SP110: variants seen among roughly 807,000 people sequenced by gnomAD.
SP110 encodes the protein interferon-induced protein 41, 30kD.
Under a neutral mutation model 92.7 loss-of-function variants are expected in SP110, and 62 were observed. The ratio of observed to expected loss-of-function variants is 0.67; its 90% CI spans 0.55 to 0.83. SP110 has a LOEUF of 0.83. Ranked by LOEUF, SP110 falls within the 40% of genes least tolerant of loss-of-function variation. SP110 has a pLI of 0.00. For synonymous variants in SP110, 273 were observed against 305.3 expected, an observed-to-expected ratio of 0.89 and a Z score of 1.10; for missense variants, 793 against 863.9, an observed-to-expected ratio of 0.92 and a Z score of 1.03.
At chr2:230,188,691 C>T (rs1466994561) in intron 10 of SP110, among the ~76,000 whole-genome samples, 1 of 152,070 alleles carries the variant, frequency 6.6e-6, no homozygotes, top group African/African-American at 2.4e-5. Context: ...GGATCTTTAT[C>T]TAAAGGGATG....
rs191119913 is a variant in SP110 at position 230,182,891 on chromosome 2, T to G, written c.1348+681A>C. ...GAGGAATCTTGCTATGAAAACAGTG[T>G]GCTTAGCGTCACAGTTGGTTTACAA... On this transcript the variant is annotated intron_variant, in intron 12 of 18. Coordinates refer to ENST00000258381, the MANE Select transcript of SP110 (RefSeq NM_080424.4). Among the ~76,000 whole-genome samples, 567 of 152,338 alleles carry G rather than the reference T, an allele frequency of 3.7e-3. 3 individuals are homozygous for G. Among genetic ancestry groups the G allele is most frequent in the African/African-American group, 0.013 (545 of 41,566 alleles).
chr2:230,219,778 T>C (rs762402062), intron 1 of SP110, 96 bp downstream of exon 1: 12 of 269,668 alleles, frequency 4.4e-5, no homozygotes, highest in Non-Finnish European at 6.3e-5. Flanking sequence ...AGAGTTTAAA[T>C]AGTTGAACTC....
rs940972374 is a variant in SP110, at chr2:230,172,752, C to T, written c.1706+92G>A. On this transcript the variant is annotated intron_variant, in intron 15 of 18. Transcript: ENST00000258381. ...GAGTCTCTGGCACCAGACTGCTCTG[C>T]GTCACACCCTCGTCCCCGACGCTCA... 1.5e-5 allele frequency: 12 copies of T among 826,424 alleles called. No individual in the cohort carries two copies. In the African/African-American group the frequency reaches 1.8e-4, roughly 13 times the overall value. The allele number at this position is 826,424 out of a possible 1,614,324, so 51.2% of individuals were successfully genotyped here. A position where few individuals can be genotyped will look rare whatever the true frequency, so the allele number is the denominator to read the frequency against.
intron 11 of SP110, 149 bp from the exon 12 acceptor site, chr2:230,183,789 CAT>C: frequency 1.5e-6 from 1 of 665,646 alleles, no homozygotes. Context: ...TTCCTTGTAG[CAT>C]TGACTAAGGA....
At position 230,212,742 on chromosome 2, in the gene SP110, G is replaced by C; in HGVS notation, c.583+19C>G. 1 of 1,613,740 alleles carries C rather than the reference G, an allele frequency of 6.2e-7. No individual in the cohort carries two copies. Among genetic ancestry groups the C allele is most frequent in the Non-Finnish European group, 8.5e-7 (1 of 1,179,948 alleles). ...TTAGGCTGAGGATATACAGGTGTTG[G>C]ATGGGATCTGTTTCTCACCTGAAGT... On this transcript the variant is annotated intron_variant, in intron 4 of 18. Transcript: ENST00000258381.
At chr2:230,174,853 G>A (rs1228841697) in intron 14 of SP110, among the ~76,000 whole-genome samples, 1 of 152,260 alleles carries the variant, frequency 6.6e-6, no homozygotes, top group African/African-American at 2.4e-5. Flanking sequence ...GGGGCTGAGG[G>A]CAAGGCCCGC....
chr2:230,221,801 C>T (rs749722130), upstream of SP110: 696 of 1,310,590 alleles, frequency 5.3e-4, no homozygotes, highest in Non-Finnish European at 4.9e-4. Flanking sequence ...AGAGATACAC[C>T]AGGCAAATGC....
At chr2:230,178,870 G>C (rs1228937513) in intron 12 of SP110, among the ~76,000 whole-genome samples, 2 of 152,208 alleles carry the variant, frequency 1.3e-5, no homozygotes, top group Non-Finnish European at 2.9e-5. Context: ...TTTAGATTCA[G>C]GGGAAGCAGT....
intron 10 of SP110, among the ~76,000 whole-genome samples, chr2:230,189,771 C>T (rs561696774): frequency 3.2e-4 from 49 of 152,290 alleles, no homozygotes; most frequent in Middle Eastern, 6.8e-3. Context: ...TCAACTCCCA[C>T]TTATGAGTGA....
At chr2:230,203,812 CT>C (rs2043452496) in intron 8 of SP110, 1 of 152,044 alleles carries the variant, frequency 6.6e-6, no homozygotes, top group South Asian at 2.1e-4. Flanking sequence ...TAATATGACT[CT>C]TAAAAATATC....
intron 14 of SP110, chr2:230,176,860 A>G (rs889145671): frequency 1.2e-6 from 1 of 868,800 alleles, no homozygotes; most frequent in Non-Finnish European, 1.9e-6. Flanking sequence ...TCAAAAAGAA[A>G]AATTAGCTCC....
chr2:230,209,733 C>A (rs1376310738), intron 7 of SP110, among the ~76,000 whole-genome samples, 198 bp downstream of exon 7: 1 of 152,178 alleles, frequency 6.6e-6, no homozygotes, highest in East Asian at 1.9e-4. Context: ...TCAATACCCC[C>A]AAATGCCTTC....
At chr2:230,216,417 C>G (rs919323104) in intron 2 of SP110, among the ~76,000 whole-genome samples, 1 of 152,140 alleles carries the variant, frequency 6.6e-6, no homozygotes, top group African/African-American at 2.4e-5. Context: ...TAAGGATTTC[C>G]AACAGCTACC....
chr2:230,172,160 C>A lies in SP110; in HGVS notation c.1721G>T (p.Cys574Phe). The change falls in exon 16 of 19, where the codon TGC becomes TTC. Residue 574 changes from cysteine to phenylalanine, a missense_variant. By Grantham distance (205) the Cys-to-Phe change is radical. Transcript: ENST00000258381. ...PVEAKRMLWS[C>F]TFCRMKRSSG... Reference sequence around the variant, plus strand: ...AGACCTCTTCATCCTGCAGAAGGTGCAACTCCACAGCATCCTGAGAGGTTG... The same window carrying A: ...AGACCTCTTCATCCTGCAGAAGGTGAAACTCCACAGCATCCTGAGAGGTTG... The A allele has an allele frequency of 6.2e-7, 1 of 1,607,508 alleles. No individual in the cohort carries two copies. Among genetic ancestry groups the A allele is most frequent in the Non-Finnish European group, 8.5e-7 (1 of 1,173,850 alleles).
chr2:230,205,628 A>G (rs1428099151), intron 8 of SP110, among the ~76,000 whole-genome samples: 1 of 152,136 alleles, frequency 6.6e-6, no homozygotes, highest in Non-Finnish European at 1.5e-5. Context: ...AGCTTTCAGA[A>G]TGGGTATATA....
chr2:230,178,433 C>A (rs1049640624), intron 12 of SP110, among the ~76,000 whole-genome samples, 178 bp from the exon 13 acceptor site: 2 of 149,600 alleles, frequency 1.3e-5, no homozygotes, highest in African/African-American at 2.5e-5. Flanking sequence ...TGGCCTGCAA[C>A]AAACCACCAC....
At chr2:230,214,901 T>C (rs1345924198) in intron 3 of SP110, 49 bp downstream of exon 3, 1 of 1,530,996 alleles carries the variant, frequency 6.5e-7, no homozygotes. Context: ...CCCAGACTTT[T>C]ACCATAGCAA....
At chr2:230,197,791 T>C (rs2042948623) in intron 10 of SP110, among the ~76,000 whole-genome samples, 2 of 152,148 alleles carry the variant, frequency 1.3e-5, no homozygotes, top group South Asian at 4.1e-4. Context: ...CACCATTTAT[T>C]AAATAGGGAA....
chr2:230,190,345 AT>A (rs55747411), intron 10 of SP110, among the ~76,000 whole-genome samples: 3,635 of 151,264 alleles, frequency 0.024, 157 homozygotes, highest in African/African-American at 0.083. Context: ...GGCTACGTAA[AT>A]TTTTTTTTTT....
Sources: gnomAD v4.1 joint callset for allele counts (sites outside exome capture counted in the v4.1 genomes callset) on GRCh38, gnomAD v4.1.1 for gene constraint, MANE v1.5 for transcripts, NCBI Gene and HGNC (gene_info 2026-07-23, HGNC 2026-07-21) for gene names.